Variants in NCAM2 observed in about 807,000 individuals in gnomAD.
The protein encoded by NCAM2 is neural cell adhesion molecule 2.
A neutral mutation model predicts 98.1 loss-of-function variants in NCAM2; 30 were observed. The observed-to-expected ratio is 0.31, with a 90% CI of 0.23 to 0.41. The LOEUF (loss-of-function observed/expected upper bound fraction) is 0.41, where lower values mean the gene tolerates loss of function less well. NCAM2 is among the 10% of genes least tolerant of loss of function. The probability of loss-of-function intolerance (pLI) is 1.00; values close to 1 mark genes in which losing one functional copy is unlikely to be tolerated. For missense variants in NCAM2, 867 were observed against 1,005.8 expected (o/e 0.86, Z 1.87); for synonymous variants, 368 against 342.4 (o/e 1.07, Z -0.83).
chr21:21,296,139 C>A (rs978530783), intron 5 of NCAM2, among the ~76,000 whole-genome samples: 25 of 151,758 alleles, frequency 1.6e-4, no homozygotes, highest in African/African-American at 5.8e-4. Flanking sequence ...CATCATTTCC[C>A]TTTAGACACT....
chr21:21,343,994 A>G (rs557207952), intron 8 of NCAM2, among the ~76,000 whole-genome samples: 1 of 152,258 alleles, frequency 6.6e-6, no homozygotes, highest in Non-Finnish European at 1.5e-5. Flanking sequence ...AGACCTCTTT[A>G]TTCTGATTGA....
chr21:21,444,823 A>G (rs1484106042), intron 12 of NCAM2, among the ~76,000 whole-genome samples: 1 of 151,480 alleles, frequency 6.6e-6, no homozygotes, highest in Non-Finnish European at 1.5e-5. Context: ...TTTTGGTGTC[A>G]CTGTCCCCTT....
At chr21:21,475,126 T>C (rs1984997967) in intron 14 of NCAM2, among the ~76,000 whole-genome samples, 1 of 152,020 alleles carries the variant, frequency 6.6e-6, no homozygotes, top group Admixed American at 6.6e-5. Flanking sequence ...ATTATGCATC[T>C]AAGGCTTAAA....
chr21:21,264,898 G>T (rs199610878), intron 1 of NCAM2, among the ~76,000 whole-genome samples: 1 of 32,932 alleles, frequency 3.0e-5, no homozygotes, highest in Admixed American at 3.8e-4. Context: ...ATATGTGTGT[G>T]TATATATATA....
At chr21:21,375,273 C>T (rs879697692) in intron 9 of NCAM2, among the ~76,000 whole-genome samples, 1 of 149,256 alleles carries the variant, frequency 6.7e-6, no homozygotes, top group Non-Finnish European at 1.5e-5. Flanking sequence ...ATTCCTGGAT[C>T]TGTAACAACC....
intron 1 of NCAM2, among the ~76,000 whole-genome samples, chr21:21,031,763 GTCTC>G (rs1236500821): frequency 6.6e-6 from 1 of 151,730 alleles, no homozygotes; most frequent in African/African-American, 2.4e-5. Context: ...AATAAATTTT[GTCTC>G]TCTCGATATA....
intron 1 of NCAM2, among the ~76,000 whole-genome samples, chr21:21,135,436 G>A (rs2067028560): frequency 6.6e-6 from 1 of 152,046 alleles, no homozygotes; most frequent in Non-Finnish European, 1.5e-5. Flanking sequence ...TTCGGTAGGT[G>A]CCAAATAATA....
intron 5 of NCAM2, among the ~76,000 whole-genome samples, chr21:21,318,698 A>G (rs988835637): frequency 6.6e-6 from 1 of 152,170 alleles, no homozygotes; most frequent in African/African-American, 2.4e-5. Flanking sequence ...TATGAATTTC[A>G]ATTATGGTTA....
At chr21:21,414,660 G>A (rs868159200) in intron 10 of NCAM2, among the ~76,000 whole-genome samples, 1 of 151,724 alleles carries the variant, frequency 6.6e-6, no homozygotes, top group African/African-American at 2.4e-5. Context: ...TAGTTGAGAC[G>A]GAGTTTCACG....
At chr21:21,017,164 G>A (rs1050944519) in intron 1 of NCAM2, among the ~76,000 whole-genome samples, 1 of 151,534 alleles carries the variant, frequency 6.6e-6, no homozygotes, top group Non-Finnish European at 1.5e-5. Context: ...CATGGCTCAC[G>A]CCTATAATCC....
At chr21:21,438,919 T>TA (rs1978810433) in intron 12 of NCAM2, among the ~76,000 whole-genome samples, 2 of 151,896 alleles carry the variant, frequency 1.3e-5, no homozygotes, top group Non-Finnish European at 2.9e-5. Flanking sequence ...CCCGTCTCTC[T>TA]AAAAAAATTG....
intron 1 of NCAM2, among the ~76,000 whole-genome samples, chr21:21,047,525 A>G (rs923537590): frequency 6.6e-6 from 1 of 152,212 alleles, no homozygotes; most frequent in African/African-American, 2.4e-5. Flanking sequence ...GATGAGACTT[A>G]AGGAAAGATG....
At chr21:21,364,279 G>A (rs1434856682) in intron 8 of NCAM2, among the ~76,000 whole-genome samples, 4 of 151,654 alleles carry the variant, frequency 2.6e-5, no homozygotes. Context: ...ATATAAATCT[G>A]TTATCAATTA....
intron 11 of NCAM2, among the ~76,000 whole-genome samples, chr21:21,424,958 T>C (rs232387): frequency 0.64 from 93,258 of 146,704 alleles, 30,098 homozygotes; most frequent in African/African-American, 0.79. Context: ...ATTGCTTGAA[T>C]CCAGGAGGCG....
At chr21:21,424,218 G>A (rs1208579982) in intron 11 of NCAM2, among the ~76,000 whole-genome samples, 1 of 152,118 alleles carries the variant, frequency 6.6e-6, no homozygotes, top group Non-Finnish European at 1.5e-5. Flanking sequence ...ATGAAGGAAA[G>A]GAAATCAGGA....
chr21:21,054,316 T>C (rs534669195), intron 1 of NCAM2, among the ~76,000 whole-genome samples: 1 of 152,100 alleles, frequency 6.6e-6, no homozygotes, highest in African/African-American at 2.4e-5. Context: ...TTCAAACAGA[T>C]GGGTTATTTT....
chr21:21,184,568 C>A (rs1601591870), intron 1 of NCAM2, among the ~76,000 whole-genome samples: 1 of 152,016 alleles, frequency 6.6e-6, no homozygotes, highest in Non-Finnish European at 1.5e-5. Flanking sequence ...GTTAAGCTCT[C>A]CAGGTGATTC....
At chr21:21,126,566 A>T (rs1259991724) in intron 1 of NCAM2, among the ~76,000 whole-genome samples, 1 of 151,964 alleles carries the variant, frequency 6.6e-6, no homozygotes, top group Non-Finnish European at 1.5e-5. Flanking sequence ...GTTTGTGTGT[A>T]TTCTAATTGT....
At chr21:21,174,156 A>T (rs1295539959) in intron 1 of NCAM2, among the ~76,000 whole-genome samples, 1 of 152,012 alleles carries the variant, frequency 6.6e-6, no homozygotes, top group Admixed American at 6.6e-5. Flanking sequence ...CTAACCTCAG[A>T]TCGTGATCTG....
Sources: allele counts gnomAD v4.1 joint callset (sites outside exome capture counted in the v4.1 genomes callset), GRCh38; gene constraint gnomAD v4.1.1; transcripts MANE v1.5; gene names NCBI Gene and HGNC (gene_info 2026-07-23, HGNC 2026-07-21).